The following ZNF236 variants were observed in gnomAD, a reference collection of about 807,000 sequenced individuals.
ZNF236 encodes the protein regulated by glucose.
A neutral mutation model predicts 191.2 loss-of-function variants in ZNF236; 50 were observed. That is an observed-to-expected ratio of 0.26 (90% confidence interval 0.21 to 0.33). The LOEUF (loss-of-function observed/expected upper bound fraction) is 0.33, where lower values mean the gene tolerates loss of function less well. ZNF236 is among the 10% of genes least tolerant of loss of function. The pLI is 1.00. For missense variants in ZNF236, 1,754 were observed against 2,374.5 expected, an observed-to-expected ratio of 0.74 and a Z score of 5.43; for synonymous variants, 907 against 928.8, an observed-to-expected ratio of 0.98 and a Z score of 0.43.
chr18:76,920,099 C>G, intron 20 of ZNF236, 41 bp downstream of exon 20: 1 of 1,578,030 alleles, frequency 6.3e-7, no homozygotes, highest in Non-Finnish European at 8.6e-7. Context: ...GCTCTGAAGA[C>G]TGGAGGTGCA....
At chr18:76,916,870 G>A (rs929241583) in intron 19 of ZNF236, among the ~76,000 whole-genome samples, 2 of 152,148 alleles carry the variant, frequency 1.3e-5, no homozygotes, top group Non-Finnish European at 2.9e-5. Context: ...TGTCATCGGA[G>A]GTCAGACCTG....
rs57994646 is a variant in ZNF236, at chr18:76,868,665, C to T, written c.364-20C>T. 8,344 of 1,578,070 alleles carry T rather than the reference C, an allele frequency of 5.3e-3. 268 individuals are homozygous for T. The African/African-American group carries it at 0.083, about 16-fold the overall frequency. On this transcript the variant is annotated intron_variant, in intron 3 of 30. Coordinates refer to ENST00000320610, the MANE Select transcript of ZNF236 (RefSeq NM_001306089.2). ...GTTTTGAAAGGTTTGCTCTGCTCAC[C>T]GATGGGTTTTCTCTTCCAGAATCTC...
intron 2 of ZNF236, among the ~76,000 whole-genome samples, 162 bp from the exon 3 acceptor site, chr18:76,851,612 AC>A (rs1336438389): frequency 6.6e-6 from 1 of 152,182 alleles, no homozygotes; most frequent in African/African-American, 2.4e-5. Flanking sequence ...CAGGTGCTTT[AC>A]TGTGTTTATT....
chr18:76,854,794 A>G (rs1459852267), intron 3 of ZNF236, among the ~76,000 whole-genome samples: 1 of 152,160 alleles, frequency 6.6e-6, no homozygotes, highest in Non-Finnish European at 1.5e-5. Context: ...TTTTCCCCCA[A>G]GTTCTTTATA....
intron 5 of ZNF236, among the ~76,000 whole-genome samples, chr18:76,873,492 G>A (rs1452997574): frequency 2.6e-5 from 4 of 152,304 alleles, no homozygotes; most frequent in South Asian, 2.1e-4. Flanking sequence ...CACGTAGGCC[G>A]GTGTGGTTTA....
intron 1 of ZNF236, among the ~76,000 whole-genome samples, chr18:76,831,298 A>G (rs1975162671): frequency 6.6e-6 from 1 of 152,184 alleles, no homozygotes; most frequent in South Asian, 2.1e-4. Flanking sequence ...CATAGCTGGA[A>G]GCATTCAGTA....
chr18:76,958,001 C>T (rs1326689089), intron 28 of ZNF236, among the ~76,000 whole-genome samples: 3 of 152,196 alleles, frequency 2.0e-5, no homozygotes. Flanking sequence ...CTTTTGAAAC[C>T]TTCTGATGAA....
chr18:76,866,763 T>G (rs1043650299), intron 3 of ZNF236, among the ~76,000 whole-genome samples: 17 of 152,176 alleles, frequency 1.1e-4, no homozygotes, highest in Non-Finnish European at 2.9e-5. Context: ...GGCCTGTGAC[T>G]ATACATGGGG....
At chr18:76,874,926 C>A (rs1215763344) in intron 5 of ZNF236, among the ~76,000 whole-genome samples, 1 of 152,210 alleles carries the variant, frequency 6.6e-6, no homozygotes, top group East Asian at 1.9e-4. Context: ...TTCGATTTTA[C>A]TCTAGGGGGG....
At chr18:76,893,797 G>A (rs1977318410) in intron 9 of ZNF236, among the ~76,000 whole-genome samples, 1 of 152,258 alleles carries the variant, frequency 6.6e-6, no homozygotes, top group Non-Finnish European at 1.5e-5. Context: ...ACAGGCGTGA[G>A]CCACTGCGCC....
At chr18:76,888,460 C>G (rs1454817923) in intron 9 of ZNF236, 1 of 152,380 alleles carries the variant, frequency 6.6e-6, no homozygotes, top group East Asian at 1.9e-4. Context: ...GTGAAGGTCT[C>G]CTGTGGCTGA....
intron 4 of ZNF236, among the ~76,000 whole-genome samples, chr18:76,869,526 G>A (rs1260275390): frequency 1.3e-5 from 2 of 152,128 alleles, no homozygotes; most frequent in African/African-American, 2.4e-5. Context: ...CCTAATTCCT[G>A]ATAATATATT....
chr18:76,865,252 G>C (rs1242224870), intron 3 of ZNF236, among the ~76,000 whole-genome samples: 1 of 152,164 alleles, frequency 6.6e-6, no homozygotes, highest in Admixed American at 6.5e-5. Context: ...CAGGAGAATT[G>C]CTTGAACCTG....
At position 76,910,277 on chromosome 18, in the gene ZNF236, G is replaced by T. The variant is rs753988888; in HGVS notation, c.2653+108G>T. On this transcript the variant is annotated intron_variant, in intron 15 of 30. Coordinates refer to ENST00000320610, the MANE Select transcript of ZNF236 (RefSeq NM_001306089.2). Reference sequence around the variant, plus strand: ...TCTTAAGGCCCTTCTAAAGTGTATGGTTTCAAACCAAATAACTTTTTGCAT... The same window carrying T: ...TCTTAAGGCCCTTCTAAAGTGTATGTTTTCAAACCAAATAACTTTTTGCAT... 4 of 937,254 alleles carry T rather than the reference G, an allele frequency of 4.3e-6. No homozygotes were observed. In the Admixed American group the frequency reaches 8.8e-5, roughly 21 times the overall value. The allele number at this position is 937,254 out of a possible 1,614,324, so 58.1% of individuals were successfully genotyped here. A position where few individuals can be genotyped will look rare whatever the true frequency, so the allele number is the denominator to read the frequency against.
In ZNF236 at chr18:76,919,534, C is replaced by T. The variant is rs939860257; in HGVS notation, c.3275-242C>T. Among the ~76,000 whole-genome samples the T allele has an allele frequency of 6.6e-6, 1 of 152,162 alleles. No individual in the cohort carries two copies. The highest frequency in any genetic ancestry group is 6.5e-5 in the Admixed American group (1 of 15,286). On this transcript the variant is annotated intron_variant, in intron 19 of 30. Transcript: ENST00000320610. The surrounding 1 kb of genome is among the most constrained non-coding windows in gnomAD (Gnocchi z 5.3). ...CTTCTATCTAAGCGGATGTTTTCAC[C>T]CCTTCACCAACCTCTGTTCATCCCC...
intron 5 of ZNF236, among the ~76,000 whole-genome samples, chr18:76,873,395 T>C (rs918951745): frequency 3.3e-5 from 5 of 152,208 alleles, no homozygotes; most frequent in African/African-American, 1.2e-4. Context: ...ATGCTACTCC[T>C]CCTGCATTGA....
At position 76,948,175 on chromosome 18, in the gene ZNF236, A is replaced by G. The variant is rs372580814; in HGVS notation, c.4914+523A>G. Among the ~76,000 whole-genome samples the G allele has an allele frequency of 4.6e-4, 70 of 152,346 alleles. No homozygotes were observed. The South Asian group carries it at 0.014, about 30-fold the overall frequency. On this transcript the variant is annotated intron_variant, in intron 27 of 30. Transcript: ENST00000320610. ...ATATTTAGTAAGCAATAGTCTAAAT[A>G]TGGAAGAGTCTAAAATCTCTTTCCT... is the stretch of plus-strand genomic sequence containing the variant.
At chr18:76,891,503 G>T (rs567345781) in intron 9 of ZNF236, among the ~76,000 whole-genome samples, 90 of 152,154 alleles carry the variant, frequency 5.9e-4, no homozygotes, top group Non-Finnish European at 1.1e-3. Context: ...CTCCTCAGTA[G>T]TTAGGACTAT....
At chr18:76,922,239 C>T (rs888240105) in intron 20 of ZNF236, among the ~76,000 whole-genome samples, 30 of 152,302 alleles carry the variant, frequency 2.0e-4, no homozygotes, top group South Asian at 6.2e-4. Context: ...GTGACTCTTC[C>T]GTGAGCCTGT....
Sources: allele counts gnomAD v4.1 joint callset (sites outside exome capture counted in the v4.1 genomes callset), GRCh38; gene constraint gnomAD v4.1.1; non-coding constraint Gnocchi (gnomAD v3.1); transcripts MANE v1.5; gene names NCBI Gene and HGNC (gene_info 2026-07-23, HGNC 2026-07-21).